The following CHID1 variants were observed in gnomAD, a reference collection of about 807,000 sequenced individuals.
The protein encoded by CHID1 is chitinase domain-containing protein 1.
In CHID1, 44 loss-of-function variants were observed where a neutral mutation model predicts 55.4. The ratio of observed to expected loss-of-function variants is 0.79; its 90% CI spans 0.62 to 1.02. The LOEUF (loss-of-function observed/expected upper bound fraction) is 1.02, where lower values mean the gene tolerates loss of function less well. Among genes scored for constraint, CHID1 ranks in the 50% least tolerant of loss-of-function variants. CHID1 has a pLI of 0.00. For synonymous variants in CHID1, 216 were observed against 212.9 expected, an observed-to-expected ratio of 1.01 and a Z score of -0.13; for missense variants, 491 against 515.3, an observed-to-expected ratio of 0.95 and a Z score of 0.46.
At chr11:896,120 C>T (rs1358027269) in intron 7 of CHID1, among the ~76,000 whole-genome samples, 6 of 150,320 alleles carry the variant, frequency 4.0e-5, no homozygotes, top group Non-Finnish European at 8.9e-5. Flanking sequence ...TGTCTCAGTG[C>T]CCCCAGCCTC....
At chr11:909,472 G>C (rs556842139) in intron 1 of CHID1, among the ~76,000 whole-genome samples, 44 of 152,346 alleles carry the variant, frequency 2.9e-4, no homozygotes, top group African/African-American at 8.9e-4. Context: ...CCAGTCCGTA[G>C]GTCCAGGACC....
intron 1 of CHID1, among the ~76,000 whole-genome samples, chr11:908,991 C>T (rs1232417758): frequency 6.6e-6 from 1 of 152,232 alleles, no homozygotes; most frequent in Non-Finnish European, 1.5e-5. Flanking sequence ...TCTGTCCACT[C>T]GCGCTTAACT....
intron 7 of CHID1, among the ~76,000 whole-genome samples, chr11:897,498 G>A (rs1851455737): frequency 6.6e-6 from 1 of 152,196 alleles, no homozygotes; most frequent in Non-Finnish European, 1.5e-5. Context: ...GCCCCGGCAG[G>A]GTCCACTGCC....
At chr11:877,338 C>T (rs1438709495) in intron 10 of CHID1, among the ~76,000 whole-genome samples, 1 of 152,208 alleles carries the variant, frequency 6.6e-6, no homozygotes, top group Non-Finnish European at 1.5e-5. Flanking sequence ...GCAGTCTCCA[C>T]CTCCACAGCT....
chr11:878,577 T>C (rs1046824402), intron 10 of CHID1, among the ~76,000 whole-genome samples: 1 of 151,838 alleles, frequency 6.6e-6, no homozygotes, highest in Non-Finnish European at 1.5e-5. Flanking sequence ...AAAAAAAAAA[T>C]TCCTTTTCTT....
chr11:898,882 C>T (rs1384592847), intron 7 of CHID1, among the ~76,000 whole-genome samples: 1 of 152,178 alleles, frequency 6.6e-6, no homozygotes, highest in Non-Finnish European at 1.5e-5. Context: ...GGGAGGCATT[C>T]CCCAGAGGCC....
At chr11:901,079 A>C in intron 4 of CHID1, 99 bp from the exon 5 acceptor site, 2 of 1,126,150 alleles carry the variant, frequency 1.8e-6, no homozygotes, top group Non-Finnish European at 2.6e-6. Flanking sequence ...ACAATACGCA[A>C]TGGGAAGGGC....
intron 10 of CHID1, chr11:882,199 C>T (rs1265744372): frequency 6.6e-6 from 1 of 152,182 alleles, no homozygotes; most frequent in Non-Finnish European, 1.5e-5. Flanking sequence ...GTGGCAGACG[C>T]CTGTAGTCCC....
intron 8 of CHID1, among the ~76,000 whole-genome samples, chr11:891,562 G>A (rs549401374): frequency 1.3e-5 from 2 of 152,296 alleles, no homozygotes; most frequent in South Asian, 4.1e-4. Flanking sequence ...CTCCTGAGCT[G>A]GTCCCCACCG....
Position 875,867 on chromosome 11 carries a change from G to A in CHID1, c.960-5368C>T, listed in dbSNP as rs1352319964. Among the ~76,000 whole-genome samples, 1 of 152,140 alleles carries A rather than the reference G, an allele frequency of 6.6e-6. No individual in the cohort carries two copies. The highest frequency in any genetic ancestry group is 1.5e-5 in the Non-Finnish European group (1 of 68,034). Reference sequence around the variant, plus strand: ...CCTGGCGGGTGACAGACAGGATGAAGGAACGATGGGCTCCACTCTGCAGAG... The same window carrying A: ...CCTGGCGGGTGACAGACAGGATGAAAGAACGATGGGCTCCACTCTGCAGAG... On this transcript the variant is annotated intron_variant, in intron 10 of 12. Transcript: ENST00000323578. This position sits in a 1 kb window ranked among gnomAD's most constrained non-coding sequence, Gnocchi z 4.7.
Position 899,499 on chromosome 11 carries a change from T to C in CHID1, c.547-98A>G, listed in dbSNP as rs772183573. The stretch of plus-strand genomic sequence containing the variant: ...CACCTCGGCCCACATGGTCAGGTTG[T>C]GGCCTGGTCACTCACGAGGCAAGAC... On this transcript the variant is annotated intron_variant, in intron 6 of 12. Transcript: ENST00000323578. 151 of 1,159,836 alleles carry C rather than the reference T, an allele frequency of 1.3e-4. 1 individual carries two copies. Among genetic ancestry groups the C allele is most frequent in the Non-Finnish European group, 1.7e-4 (136 of 799,682 alleles). 71.8% of individuals were successfully genotyped at this position (1,159,836 alleles called of 1,614,324 possible).
At chr11:912,652 G>C (rs1405639345), upstream of CHID1, among the ~76,000 whole-genome samples, 1 of 152,236 alleles carries the variant, frequency 6.6e-6, no homozygotes, top group Non-Finnish European at 1.5e-5. Flanking sequence ...AGACCATCCT[G>C]ATTAACACGG....
intron 10 of CHID1, among the ~76,000 whole-genome samples, chr11:877,777 A>AATGCGGCACTGTGGGG (rs1849612979): frequency 6.7e-6 from 1 of 150,358 alleles, no homozygotes; most frequent in Non-Finnish European, 1.5e-5. Flanking sequence ...GGGCCTTTAG[A>AATGCGGCACTGTGGGG]AGGCGGCACT....
chr11:903,722 G>A (rs911682411), intron 2 of CHID1: 9 of 221,044 alleles, frequency 4.1e-5, no homozygotes, highest in Admixed American at 2.9e-4. Flanking sequence ...CAGAGGTTGC[G>A]GTGAGCCAAG....
Position 883,233 on chromosome 11 carries a change from G to C in CHID1, c.874C>G (p.Arg292Gly). ...TTGAGCCCCAGGAGGATTTTGCTTCGCCACTTGGACTTCGGGTCCAGGACC... is the reference window on the plus strand; with the variant it reads ...TTGAGCCCCAGGAGGATTTTGCTTCCCCACTTGGACTTCGGGTCCAGGACC... ...VQVLDPKSKW[R>G]SKILLGLNFY... The change falls in exon 10 of 13, where the codon CGA (arginine) becomes GGA (glycine). Residue 292 changes from arginine to glycine, a missense_variant. Physicochemically the swap from Arg to Gly is moderately radical, Grantham distance 125. Transcript: ENST00000323578. 10 of 1,614,160 alleles carry C rather than the reference G, an allele frequency of 6.2e-6. No homozygotes were observed. The highest frequency in any genetic ancestry group is 8.5e-6 in the Non-Finnish European group (10 of 1,180,004).
intron 7 of CHID1, among the ~76,000 whole-genome samples, chr11:894,122 A>C (rs1338824551): frequency 8.3e-4 from 2 of 2,400 alleles, no homozygotes; most frequent in Non-Finnish European, 6.0e-3. Flanking sequence ...ACTCTGTCTC[A>C]AAAAAAAAAA....
chr11:891,052 C>T (rs574627457), intron 8 of CHID1, among the ~76,000 whole-genome samples: 2 of 152,172 alleles, frequency 1.3e-5, no homozygotes, highest in Admixed American at 6.5e-5. Context: ...CAGGGATTTA[C>T]GAGGCTCCTC....
intron 7 of CHID1, among the ~76,000 whole-genome samples, chr11:899,063 G>C (rs1306201728): frequency 1.3e-5 from 2 of 152,240 alleles, no homozygotes; most frequent in African/African-American, 4.8e-5. Context: ...GAGTTCCTCT[G>C]ACCGCCCAAG....
intron 4 of CHID1, among the ~76,000 whole-genome samples, chr11:901,431 G>A (rs1368561291): frequency 1.3e-5 from 2 of 152,178 alleles, no homozygotes; most frequent in African/African-American, 4.8e-5. Context: ...CTCCAAAACT[G>A]CCTAACACTT....
Sources: allele counts gnomAD v4.1 joint callset (sites outside exome capture counted in the v4.1 genomes callset), GRCh38; gene constraint gnomAD v4.1.1; non-coding constraint Gnocchi (gnomAD v3.1); transcripts MANE v1.5; gene names NCBI Gene and HGNC (gene_info 2026-07-23, HGNC 2026-07-21).